PHLPP2: variants seen among roughly 807,000 people sequenced by gnomAD.
PHLPP2 encodes PH domain and leucine rich repeat protein phosphatase 2, also known as PH domain leucine-rich repeat-containing protein phosphatase 2.
Under a neutral mutation model 124.9 loss-of-function variants are expected in PHLPP2, and 66 were observed. That is an observed-to-expected ratio of 0.53 (90% CI 0.43 to 0.65). PHLPP2 has a LOEUF of 0.65. Ranked by LOEUF, PHLPP2 falls within the 30% of genes least tolerant of loss-of-function variation. PHLPP2 has a pLI of 0.00. For missense variants in PHLPP2, 1,685 were observed against 1,600.4 expected (o/e 1.05, Z -0.90); for synonymous variants, 681 against 624.7 (o/e 1.09, Z -1.34).
chr16:71,667,549 G>A (rs1314897254), intron 11 of PHLPP2, among the ~76,000 whole-genome samples: 2 of 152,126 alleles, frequency 1.3e-5, no homozygotes, highest in African/African-American at 4.8e-5. Flanking sequence ...CTGAGAAAAG[G>A]TGAATTAATG....
chr16:71,676,836 C>T (rs2044951019), intron 8 of PHLPP2, 187 bp from the exon 9 acceptor site: 2 of 561,712 alleles, frequency 3.6e-6, no homozygotes, highest in Non-Finnish European at 6.3e-6. Context: ...GCAACCTCTG[C>T]CTCCCAGGTT....
intron 3 of PHLPP2, among the ~76,000 whole-genome samples, chr16:71,691,860 C>T (rs1430353054): frequency 6.6e-6 from 1 of 151,920 alleles, no homozygotes; most frequent in Non-Finnish European, 1.5e-5. Flanking sequence ...ACTCAGGAGG[C>T]TGAGGCAGGA....
At chr16:71,698,062 T>C (rs2045192177) in intron 3 of PHLPP2, among the ~76,000 whole-genome samples, 3 of 152,064 alleles carry the variant, frequency 2.0e-5, no homozygotes, top group Non-Finnish European at 4.4e-5. Context: ...TTAGCCAGGA[T>C]GGTCTCAATC....
At chr16:71,671,183 G>A (rs919932486) in intron 10 of PHLPP2, among the ~76,000 whole-genome samples, 9 of 152,212 alleles carry the variant, frequency 5.9e-5, no homozygotes, top group African/African-American at 2.2e-4. Context: ...GGGAAGATAA[G>A]CAGGAAGAAA....
At chr16:71,704,552 C>G (rs1352204788) in intron 2 of PHLPP2, among the ~76,000 whole-genome samples, 1 of 151,982 alleles carries the variant, frequency 6.6e-6, no homozygotes, top group Non-Finnish European at 1.5e-5. Context: ...AAAACAACCA[C>G]CTGGCCTCTC....
At chr16:71,663,771 G>C in intron 13 of PHLPP2, 128 bp downstream of exon 13, 5 of 732,504 alleles carry the variant, frequency 6.8e-6, no homozygotes, top group Non-Finnish European at 1.2e-5. Context: ...CACTCAACTA[G>C]TGAAATCATA....
In PHLPP2 at chr16:71,649,153, C is replaced by T. The variant is rs899492656; in HGVS notation, c.3709G>A (p.Gly1237Arg). 6 of 1,614,028 alleles carry T rather than the reference C, an allele frequency of 3.7e-6. No homozygotes were observed. The African/African-American group carries it at 5.3e-5, about 14-fold the overall frequency. Residue 1237 changes from glycine to arginine, a missense_variant, in exon 19 of 19, where the codon GGG becomes AGG. Physicochemically the swap from Gly to Arg is moderately radical, Grantham distance 125. Coordinates refer to ENST00000568954, the MANE Select transcript of PHLPP2 (RefSeq NM_015020.3). Reference sequence around the variant, plus strand: ...ATAGAGCCATTGGAGAGTTTCTTCCCATAGAGGCAGGAGGTGGAGGGAGAC... The same window carrying T: ...ATAGAGCCATTGGAGAGTTTCTTCCTATAGAGGCAGGAGGTGGAGGGAGAC... Reference protein sequence around the residue: ...QKSPSTSCLYGKKLSNGSIVP... With the variant: ...QKSPSTSCLYRKKLSNGSIVP...
intron 12 of PHLPP2, among the ~76,000 whole-genome samples, chr16:71,666,433 G>C (rs1483448323): frequency 2.6e-5 from 4 of 152,108 alleles, no homozygotes; most frequent in South Asian, 2.1e-4. Context: ...GGATCACTTG[G>C]ACCCAGGAGG....
At position 71,684,701 on chromosome 16, in the gene PHLPP2, T is replaced by C. The variant is rs73578277; in HGVS notation, c.610-100A>G. 717 of 1,159,752 alleles carry C rather than the reference T, an allele frequency of 6.2e-4. 3 individuals carry two copies. In the African/African-American group the frequency reaches 7.6e-3, roughly 12 times the overall value. The allele number at this position is 1,159,752 out of a possible 1,614,324, so 71.8% of individuals were successfully genotyped here. A position where few individuals can be genotyped will look rare whatever the true frequency, so the allele number is the denominator to read the frequency against. On this transcript the variant is annotated intron_variant, in intron 4 of 18. Coordinates refer to ENST00000568954, the MANE Select transcript of PHLPP2 (RefSeq NM_015020.3). ...AGACGAACAACTGAATTTTTAAAAA[T>C]AGTTATTTTTTATTTTTTCTCTCTC...
At chr16:71,693,145 G>C (rs1257755559) in intron 3 of PHLPP2, among the ~76,000 whole-genome samples, 1 of 152,178 alleles carries the variant, frequency 6.6e-6, no homozygotes, top group African/African-American at 2.4e-5. Context: ...AAATTAGCCA[G>C]GCATGGTGGC....
chr16:71,712,608 C>G (rs764563434), intron 2 of PHLPP2, among the ~76,000 whole-genome samples: 12 of 152,154 alleles, frequency 7.9e-5, no homozygotes, highest in Non-Finnish European at 1.3e-4. Context: ...CTTAGAAAAG[C>G]CTAAGGATCA....
chr16:71,667,492 TGACCATATGTTTACCTACCACC>T (rs1372536766), intron 11 of PHLPP2, among the ~76,000 whole-genome samples, 159 bp from the exon 12 acceptor site: 1 of 152,210 alleles, frequency 6.6e-6, no homozygotes, highest in Non-Finnish European at 1.5e-5. Flanking sequence ...AAAGCAGCTA[TGACCATATGTTTACCTACCACC>T]CACCAGGAAG....
Position 71,650,015 on chromosome 16 carries a change from A to G in PHLPP2, c.2847T>C (p.Cys949=). 1.2e-6 allele frequency: 2 copies of G among 1,610,006 alleles called. No individual in the cohort carries two copies. The highest frequency in any genetic ancestry group is 1.1e-5 in the South Asian group (1 of 91,082). The change falls in exon 19 of 19, where the codon TGT becomes TGC. Residue 949 remains cysteine, a synonymous_variant. Coordinates refer to ENST00000568954, the MANE Select transcript of PHLPP2 (RefSeq NM_015020.3). ...EDNKVNGVTC[C]TRMLGCTYLY... is the part of the protein sequence containing the mutation. ...GGTATGTACAGCCCAGCATCCGGGT[A>G]CAGCAGGTTACCCCATTCACTTTGT... is the stretch of plus-strand genomic sequence containing the variant.
Position 71,690,630 on chromosome 16 carries a change from C to T in PHLPP2, c.498G>A (p.Leu166=), listed in dbSNP as rs755370173. ...CAACTAGGCGCTCAGCCCACTTATG[C>T]AGCTGGGTCTTTCCCTTGCGTACAT... ...IYNVRKGKTQ[L]HKWAERLVVL... The change falls in exon 4 of 19, where the codon CTG becomes CTA. Residue 166 remains leucine, a synonymous_variant. Transcript: ENST00000568954. 6.8e-6 allele frequency: 11 copies of T among 1,611,954 alleles called. No homozygotes were observed. Among genetic ancestry groups the T allele is most frequent in the Non-Finnish European group, 8.5e-7 (1 of 1,178,142 alleles).
In PHLPP2 at chr16:71,648,857, C is replaced by G. The variant is rs1297282826; in HGVS notation, c.*33G>C. ...AGCAAGTCCCTACCCCAACCCTGCACAGCCTCCTCCCACACTGTGCCCAGT... is the reference window on the plus strand; with the variant it reads ...AGCAAGTCCCTACCCCAACCCTGCAGAGCCTCCTCCCACACTGTGCCCAGT... On this transcript the variant is annotated 3_prime_UTR_variant, in exon 19 of 19. Coordinates refer to ENST00000568954, the MANE Select transcript of PHLPP2 (RefSeq NM_015020.3). The G allele has an allele frequency of 1.3e-6, 2 of 1,538,252 alleles. No individual in the cohort carries two copies. The highest frequency in any genetic ancestry group is 1.8e-6 in the Non-Finnish European group (2 of 1,116,942).
intron 13 of PHLPP2, 103 bp from the exon 14 acceptor site, chr16:71,658,918 C>T: frequency 1.0e-6 from 1 of 958,998 alleles, no homozygotes; most frequent in Non-Finnish European, 1.6e-6. Flanking sequence ...CGACACGGTC[C>T]ACTGCCAGAT....
chr16:71,677,478 A>C (rs1270019024), intron 8 of PHLPP2: 1 of 105,930 alleles, frequency 9.4e-6, no homozygotes, highest in African/African-American at 3.7e-5. Flanking sequence ...ATATATATAT[A>C]TATATATATA....
At chr16:71,714,863 G>A in intron 1 of PHLPP2, 62 bp from the exon 2 acceptor site, 1 of 1,545,644 alleles carries the variant, frequency 6.5e-7, no homozygotes, top group Admixed American at 1.9e-5. Context: ...AGACATTTCA[G>A]TCCTCACCCC....
intron 6 of PHLPP2, among the ~76,000 whole-genome samples, chr16:71,680,573 G>A (rs987815573): frequency 6.6e-6 from 1 of 152,188 alleles, no homozygotes; most frequent in Non-Finnish European, 1.5e-5. Flanking sequence ...AACTTTTTAT[G>A]AGAGACTCTG....
Sources: allele counts gnomAD v4.1 joint callset (sites outside exome capture counted in the v4.1 genomes callset), GRCh38; gene constraint gnomAD v4.1.1; transcripts MANE v1.5; gene names NCBI Gene and HGNC (gene_info 2026-07-23, HGNC 2026-07-21).